Variants in TGFA observed in about 807,000 individuals in gnomAD.
The protein encoded by TGFA is transforming growth factor alpha.
A neutral mutation model predicts 21.7 loss-of-function variants in TGFA; 12 were observed. The ratio of observed to expected loss-of-function variants is 0.55; its 90% CI spans 0.35 to 0.90. The LOEUF (loss-of-function observed/expected upper bound fraction) is 0.90, where lower values mean the gene tolerates loss of function less well. Ranked by LOEUF, TGFA falls within the 40% of genes least tolerant of loss-of-function variation. The pLI, the probability that TGFA is intolerant of heterozygous loss-of-function variation, is 0.01. For synonymous variants in TGFA, 79 were observed against 88.1 expected (o/e 0.90, Z 0.58); for missense variants, 178 against 210.8 (o/e 0.84, Z 0.96).
chr2:70,515,221 T>C (rs1295621890), intron 1 of TGFA, among the ~76,000 whole-genome samples: 2 of 152,232 alleles, frequency 1.3e-5, no homozygotes, highest in African/African-American at 4.8e-5. Context: ...CTTATAAATA[T>C]ATATTTTTTT....
intron 2 of TGFA, among the ~76,000 whole-genome samples, chr2:70,474,149 G>A (rs72910013): frequency 0.021 from 3,163 of 152,164 alleles, 115 homozygotes; most frequent in African/African-American, 0.072. Flanking sequence ...CATCCCCACT[G>A]AAGGGCAGAG....
chr2:70,490,433 A>G (rs1434685434), intron 2 of TGFA, among the ~76,000 whole-genome samples: 1 of 152,226 alleles, frequency 6.6e-6, no homozygotes, highest in African/African-American at 2.4e-5. Context: ...GCCTTAGCAC[A>G]ATTTTCCTTT....
intron 2 of TGFA, among the ~76,000 whole-genome samples, chr2:70,504,483 TACACACACAC>T (rs58997765): frequency 1.5e-4 from 14 of 92,066 alleles, no homozygotes; most frequent in African/African-American, 2.6e-4. Flanking sequence ...CATACATACA[TACACACACAC>T]ACACACACAC....
At chr2:70,527,753 A>G (rs1183165255) in intron 1 of TGFA, among the ~76,000 whole-genome samples, 1 of 152,102 alleles carries the variant, frequency 6.6e-6, no homozygotes, top group Non-Finnish European at 1.5e-5. Context: ...TTTCTGCTCA[A>G]TTTTTCTGTA....
At chr2:70,505,646 G>T (rs1221273025) in intron 2 of TGFA, among the ~76,000 whole-genome samples, 1 of 151,858 alleles carries the variant, frequency 6.6e-6, no homozygotes. Flanking sequence ...CTAAAAGAGG[G>T]ATTCCTCCTG....
intron 2 of TGFA, among the ~76,000 whole-genome samples, chr2:70,489,883 A>G (rs1295891574): frequency 6.6e-6 from 1 of 152,186 alleles, no homozygotes; most frequent in African/African-American, 2.4e-5. Context: ...CCCCCAGGAG[A>G]GTCCTCCACA....
chr2:70,456,514 A>C (rs1351333503), intron 3 of TGFA, 26 bp from the exon 4 acceptor site: 10 of 1,580,724 alleles, frequency 6.3e-6, no homozygotes, highest in Non-Finnish European at 8.6e-6. Flanking sequence ...ACGTCAGTGC[A>C]CTCTCCTGAC....
intron 1 of TGFA, among the ~76,000 whole-genome samples, chr2:70,546,615 A>G (rs897661418): frequency 6.6e-6 from 1 of 152,032 alleles, no homozygotes; most frequent in Non-Finnish European, 1.5e-5. Context: ...CTGGGACTAC[A>G]GGCATGCACT....
At chr2:70,509,338 TG>T (rs782819764) in intron 2 of TGFA, among the ~76,000 whole-genome samples, 1 of 152,234 alleles carries the variant, frequency 6.6e-6, no homozygotes, top group Non-Finnish European at 1.5e-5. Context: ...ACGTTCTACC[TG>T]TTTTCCAAAC....
chr2:70,530,066 G>C (rs1672770707), intron 1 of TGFA, among the ~76,000 whole-genome samples: 1 of 152,078 alleles, frequency 6.6e-6, no homozygotes, highest in Non-Finnish European at 1.5e-5. Flanking sequence ...AACCTCCAAG[G>C]CCAGTTCAAG....
In TGFA at chr2:70,498,330, C is replaced by G. The variant is rs556726485; in HGVS notation, c.94+16529G>C. Among the ~76,000 whole-genome samples the G allele has an allele frequency of 7.2e-5, 11 of 152,346 alleles. No individual in the cohort carries two copies. The South Asian group carries it at 2.3e-3, about 32-fold the overall frequency. On this transcript the variant is annotated intron_variant, in intron 2 of 5. Transcript: ENST00000295400. ...ATCAGCCAGCAGGCTTGGGGCTCCC[C>G]CAGGGCCCTGCCTTTCCTGGCATGG...
chr2:70,474,279 T>A (rs1432449857), intron 2 of TGFA, among the ~76,000 whole-genome samples: 1 of 152,240 alleles, frequency 6.6e-6, no homozygotes, highest in Non-Finnish European at 1.5e-5. Context: ...GACATATAGC[T>A]GGAATGTAGT....
intron 4 of TGFA, among the ~76,000 whole-genome samples, chr2:70,454,274 C>T (rs182749482): frequency 0.014 from 2,148 of 152,318 alleles, 21 homozygotes; most frequent in Non-Finnish European, 0.025. Flanking sequence ...CGATTCCCAT[C>T]CCAGCCCCTG....
chr2:70,453,200 AGAG>A lies in TGFA; in HGVS notation c.475+15_475+17del, dbSNP rs782253835. 1.2e-6 allele frequency: 2 copies of A among 1,607,810 alleles called. No homozygotes were observed. Among genetic ancestry groups the A allele is most frequent in the East Asian group, 2.2e-5 (1 of 44,748 alleles). ...TCTCCACCCAATAGTGTCTCCCACC[AGAG>A]AAGAGTCTCCTTACCTGTTTCTGAG... On this transcript the variant is annotated intron_variant, in intron 5 of 5. Coordinates refer to ENST00000295400, the MANE Select transcript of TGFA (RefSeq NM_003236.4).
At chr2:70,504,017 A>G (rs558856039) in intron 2 of TGFA, among the ~76,000 whole-genome samples, 1 of 152,182 alleles carries the variant, frequency 6.6e-6, no homozygotes, top group Admixed American at 6.5e-5. Context: ...GGAAACATCT[A>G]TTTGTGACCA....
At chr2:70,474,831 G>A (rs1211131157) in intron 2 of TGFA, among the ~76,000 whole-genome samples, 1 of 152,158 alleles carries the variant, frequency 6.6e-6, no homozygotes, top group Non-Finnish European at 1.5e-5. Flanking sequence ...AATTCCCTCT[G>A]ACCATTTCTC....
rs1458921723 is a variant in TGFA at position 70,450,007 on chromosome 2, T to G, written c.*852A>C. 1 of 152,276 alleles carries G rather than the reference T, an allele frequency of 6.6e-6. No individual in the cohort carries two copies. Among genetic ancestry groups the G allele is most frequent in the African/African-American group, 2.4e-5 (1 of 41,428 alleles). The allele number at this position is 152,276 out of a possible 1,614,324, so 9.4% of individuals were successfully genotyped here. A position where few individuals can be genotyped will look rare whatever the true frequency, so the allele number is the denominator to read the frequency against. On this transcript the variant is annotated 3_prime_UTR_variant, in exon 6 of 6. Coordinates refer to ENST00000295400, the MANE Select transcript of TGFA (RefSeq NM_003236.4). ...TGAGGCATTTACCGGCTTTGTGGCT[T>G]CAATGGCACCATTTCTGAACCCCTA...
chr2:70,535,310 G>C (rs1209593727), intron 1 of TGFA, among the ~76,000 whole-genome samples: 2 of 152,064 alleles, frequency 1.3e-5, no homozygotes, highest in African/African-American at 4.8e-5. Flanking sequence ...TGAGGGCAAG[G>C]GCTAGGTCAT....
intron 1 of TGFA, among the ~76,000 whole-genome samples, chr2:70,521,967 C>G (rs1212110562): frequency 6.6e-6 from 1 of 152,210 alleles, no homozygotes; most frequent in Non-Finnish European, 1.5e-5. Flanking sequence ...ATATCCCATC[C>G]TCTACCCATG....
Sources: gnomAD v4.1 joint callset for allele counts (sites outside exome capture counted in the v4.1 genomes callset) on GRCh38, gnomAD v4.1.1 for gene constraint, MANE v1.5 for transcripts, NCBI Gene and HGNC (gene_info 2026-07-23, HGNC 2026-07-21) for gene names.